Variants in AKAP19 observed in about 807,000 individuals in gnomAD.
AKAP19 encodes the protein small A-kinase anchoring protein.
chr2:190,038,225 G>A, the AKAP19 span, among the ~76,000 whole-genome samples: 3 of 152,184 alleles, frequency 2.0e-5, no homozygotes, highest in Non-Finnish European at 4.4e-5. Flanking sequence ...TGCTGTTGAT[G>A]ACCATGCTAT....
At chr2:190,029,673 A>G in the AKAP19 span, among the ~76,000 whole-genome samples, 44 of 152,268 alleles carry the variant, frequency 2.9e-4, no homozygotes, top group African/African-American at 1.1e-3. Flanking sequence ...CAACTCTCCT[A>G]TTGTAGTGCA....
chr2:190,176,637 G>A, the AKAP19 span, among the ~76,000 whole-genome samples: 2 of 152,146 alleles, frequency 1.3e-5, no homozygotes, highest in Non-Finnish European at 2.9e-5. This position sits in a 1 kb window ranked among gnomAD's most constrained non-coding sequence, Gnocchi z 4.7. Flanking sequence ...CATGAGCCAC[G>A]GCATCCGGCC....
the AKAP19 span, among the ~76,000 whole-genome samples, chr2:189,892,474 C>T: frequency 6.6e-6 from 1 of 152,294 alleles, no homozygotes; most frequent in South Asian, 2.1e-4. Flanking sequence ...TGTTAGTTTT[C>T]CTTCTAACAG....
chr2:190,189,962 G>C, the AKAP19 span: 1 of 152,190 alleles, frequency 6.6e-6, no homozygotes, highest in African/African-American at 2.4e-5. Context: ...TCCAGCACAG[G>C]GAGCTGGTCC....
At chr2:190,162,950 A>G in the AKAP19 span, among the ~76,000 whole-genome samples, 16 of 152,360 alleles carry the variant, frequency 1.1e-4, no homozygotes, top group South Asian at 2.9e-3. Flanking sequence ...AAAAGTTCTT[A>G]TATAAGCAAA....
At chr2:190,193,475 A>C in the AKAP19 span, among the ~76,000 whole-genome samples, 33 of 152,116 alleles carry the variant, frequency 2.2e-4, no homozygotes, top group Admixed American at 1.3e-3. Flanking sequence ...TTTAGATAAG[A>C]CTGGTATTAC....
chr2:190,153,198 T>G, the AKAP19 span, among the ~76,000 whole-genome samples: 1 of 152,168 alleles, frequency 6.6e-6, no homozygotes, highest in Non-Finnish European at 1.5e-5. Flanking sequence ...CCCGGCCACT[T>G]GCCCATTATT....
At chr2:190,149,950 A>C in the AKAP19 span, among the ~76,000 whole-genome samples, 1 of 151,980 alleles carries the variant, frequency 6.6e-6, no homozygotes, top group African/African-American at 2.4e-5. Context: ...GTTGCTGCCT[A>C]TCTCTAGGAG....
At chr2:189,993,416 A>T in the AKAP19 span, among the ~76,000 whole-genome samples, 13 of 152,158 alleles carry the variant, frequency 8.5e-5, no homozygotes, top group African/African-American at 3.1e-4. Flanking sequence ...TCAGTTAGCT[A>T]GTATTTTTGC....
chr2:190,077,698 A>G, the AKAP19 span, among the ~76,000 whole-genome samples: 17 of 152,106 alleles, frequency 1.1e-4, no homozygotes, highest in African/African-American at 3.6e-4. Context: ...AGGGGATTGT[A>G]AATATTATGT....
At chr2:190,175,463 T>C in the AKAP19 span, among the ~76,000 whole-genome samples, 1 of 152,214 alleles carries the variant, frequency 6.6e-6, no homozygotes, top group African/African-American at 2.4e-5. Context: ...TATTCCACAA[T>C]AGTCTCATGC....
the AKAP19 span, among the ~76,000 whole-genome samples, chr2:190,145,471 T>C: frequency 6.6e-6 from 1 of 152,226 alleles, no homozygotes; most frequent in African/African-American, 2.4e-5. Flanking sequence ...ATCTATATAA[T>C]ATACAGTCAT....
chr2:190,143,051 C>T, the AKAP19 span, among the ~76,000 whole-genome samples: 1,935 of 151,422 alleles, frequency 0.013, 20 homozygotes, highest in Non-Finnish European at 0.02. Flanking sequence ...CACTGGGGGG[C>T]GGGGGTGTGT....
the AKAP19 span, among the ~76,000 whole-genome samples, chr2:189,940,008 G>A: frequency 2.6e-5 from 4 of 152,198 alleles, 1 homozygote; most frequent in East Asian, 7.7e-4. Flanking sequence ...GGCCAGGTGC[G>A]GTGGCTCACG....
the AKAP19 span, among the ~76,000 whole-genome samples, chr2:189,991,306 C>T: frequency 6.6e-6 from 1 of 152,186 alleles, no homozygotes; most frequent in Non-Finnish European, 1.5e-5. Context: ...AGTTTACATT[C>T]CTACCAGCAA....
At chr2:189,981,838 A>G in the AKAP19 span, among the ~76,000 whole-genome samples, 3 of 152,058 alleles carry the variant, frequency 2.0e-5, no homozygotes. Context: ...CCCCAATCTC[A>G]TCTGGTTTGT....
chr2:190,129,521 T>C, the AKAP19 span, among the ~76,000 whole-genome samples: 144,589 of 152,116 alleles, frequency 0.95, 69,170 homozygotes, highest in East Asian at 1. Flanking sequence ...TTTTTCAAAA[T>C]AACCAGCTCA....
At chr2:190,066,207 T>C in the AKAP19 span, among the ~76,000 whole-genome samples, 10 of 152,156 alleles carry the variant, frequency 6.6e-5, no homozygotes, top group Admixed American at 2.6e-4. Flanking sequence ...GGGCCTCACA[T>C]TTTCTGTAAC....
the AKAP19 span, among the ~76,000 whole-genome samples, chr2:189,976,778 G>T: frequency 1.0e-3 from 158 of 152,336 alleles, no homozygotes; most frequent in Non-Finnish European, 1.8e-3. Flanking sequence ...CTCTGAGCCA[G>T]GTGCGGAATA....
Sources: gnomAD v4.1 joint callset for allele counts (sites outside exome capture counted in the v4.1 genomes callset) on GRCh38, gnomAD v4.1.1 for gene constraint, Gnocchi (gnomAD v3.1) non-coding constraint, MANE v1.5 for transcripts, NCBI Gene and HGNC (gene_info 2026-07-23, HGNC 2026-07-21) for gene names.